The following RBBP5 variants were observed in gnomAD, a reference collection of about 807,000 sequenced individuals.
RBBP5 encodes the protein RB binding protein 5, histone lysine methyltransferase complex subunit.
In RBBP5, 5 loss-of-function variants were observed where a neutral mutation model predicts 72.2. The ratio of observed to expected loss-of-function variants is 0.07; its 90% CI spans 0.04 to 0.15. The LOEUF is 0.15. RBBP5 is among the 10% of genes least tolerant of loss of function. The pLI is 1.00. For synonymous variants in RBBP5, 209 were observed against 237.2 expected, an observed-to-expected ratio of 0.88 and a Z score of 1.09; for missense variants, 322 against 652.2, an observed-to-expected ratio of 0.49 and a Z score of 5.51.
Position 205,095,005 on chromosome 1 carries a change from G to A in RBBP5, c.1456C>T (p.Arg486Trp), listed in dbSNP as rs1375507369. The change falls in exon 13 of 14, where the codon CGG becomes TGG. Residue 486 changes from arginine to tryptophan, a missense_variant. Physicochemically the swap from Arg to Trp is moderately radical, Grantham distance 101. Transcript: ENST00000264515. ...TCTTTACCTTTTGATCCTTTAGGCCGGCCTGCTTGCTTCTTCTTGGATTTG... is the reference window on the plus strand; with the variant it reads ...TCTTTACCTTTTGATCCTTTAGGCCAGCCTGCTTGCTTCTTCTTGGATTTG... ...DGKSKKKQAG[R>W]PKGSKGKEKD... 2.5e-6 allele frequency: 4 copies of A among 1,613,788 alleles called. No homozygotes were observed. The highest frequency in any genetic ancestry group is 2.5e-6 in the Non-Finnish European group (3 of 1,180,004).
intron 1 of RBBP5, among the ~76,000 whole-genome samples, chr1:205,117,611 G>T (rs570740628): frequency 1.9e-4 from 29 of 151,702 alleles, no homozygotes; most frequent in Non-Finnish European, 3.4e-4. Context: ...AGTGAGCCGA[G>T]GTCACACCAT....
intron 1 of RBBP5, among the ~76,000 whole-genome samples, chr1:205,120,773 C>T (rs922690060): frequency 1.3e-5 from 2 of 150,908 alleles, no homozygotes; most frequent in Non-Finnish European, 2.9e-5. Flanking sequence ...CGGCGCGAGG[C>T]TGTCTTAAAA....
rs994209568 is a variant in RBBP5 at position 205,099,560 on chromosome 1, T to G, written c.978+181A>C. Among the ~76,000 whole-genome samples the G allele has an allele frequency of 2.6e-5, 4 of 152,124 alleles. No homozygotes were observed. Among genetic ancestry groups the G allele is most frequent in the Non-Finnish European group, 5.9e-5 (4 of 68,016 alleles). On this transcript the variant is annotated intron_variant, in intron 9 of 13. Coordinates refer to ENST00000264515, the MANE Select transcript of RBBP5 (RefSeq NM_005057.4). This position sits in a 1 kb window ranked among gnomAD's most constrained non-coding sequence, Gnocchi z 4.7. ...CCTGAAAAGAGCCAGAAAACCAACT[T>G]GGGACCAAGACCTTCCCACCAAAAT...
intron 1 of RBBP5, among the ~76,000 whole-genome samples, chr1:205,116,729 A>G (rs1023623999): frequency 1.2e-4 from 18 of 152,276 alleles, no homozygotes; most frequent in African/African-American, 4.1e-4. Context: ...CAGGAGAATC[A>G]CTTGAACCTG....
chr1:205,110,103 C>T (rs985157035), intron 3 of RBBP5, among the ~76,000 whole-genome samples: 5 of 151,944 alleles, frequency 3.3e-5, no homozygotes, highest in Non-Finnish European at 7.4e-5. Flanking sequence ...TCACCGCAAC[C>T]TCCATATGCC....
chr1:205,098,437 G>A (rs988823804), intron 10 of RBBP5, among the ~76,000 whole-genome samples: 1 of 152,204 alleles, frequency 6.6e-6, no homozygotes, highest in Non-Finnish European at 1.5e-5. Context: ...TGTTAAGAGA[G>A]CTGCTTGAGC....
chr1:205,090,948 TCA>T (rs1655323601), intron 13 of RBBP5, among the ~76,000 whole-genome samples: 1 of 150,228 alleles, frequency 6.7e-6, no homozygotes, highest in Non-Finnish European at 1.5e-5. Flanking sequence ...AAAAAAAAAA[TCA>T]CAGATTCAGT....
intron 2 of RBBP5, among the ~76,000 whole-genome samples, chr1:205,115,216 G>C (rs902615962): frequency 3.0e-4 from 45 of 152,116 alleles, no homozygotes; most frequent in African/African-American, 9.9e-4. Context: ...AAACTTTCTG[G>C]AGGGCAAATG....
At chr1:205,110,145 G>A (rs564467792) in intron 3 of RBBP5, among the ~76,000 whole-genome samples, 2 of 151,778 alleles carry the variant, frequency 1.3e-5, no homozygotes, top group South Asian at 2.1e-4. Flanking sequence ...TCAGCCTCCC[G>A]AGTAGCTGGG....
At chr1:205,114,767 T>C (rs1656458132) in intron 3 of RBBP5, 22 bp downstream of exon 3, 1 of 1,488,344 alleles carries the variant, frequency 6.7e-7, no homozygotes, top group African/African-American at 1.4e-5. Flanking sequence ...CATATTTAAA[T>C]ATTAATTAAA....
intron 3 of RBBP5, among the ~76,000 whole-genome samples, chr1:205,114,294 T>G (rs1656437823): frequency 6.6e-6 from 1 of 152,232 alleles, no homozygotes; most frequent in Non-Finnish European, 1.5e-5. Flanking sequence ...GCAAATAGTT[T>G]CAGAGAGCAA....
At chr1:205,110,920 C>T (rs1365999849) in intron 3 of RBBP5, among the ~76,000 whole-genome samples, 4 of 151,964 alleles carry the variant, frequency 2.6e-5, no homozygotes, top group South Asian at 2.1e-4. Context: ...AAAACTTAGC[C>T]GGGCGTGGTG....
At chr1:205,107,389 A>C (rs778012141) in intron 3 of RBBP5, among the ~76,000 whole-genome samples, 16 of 152,192 alleles carry the variant, frequency 1.1e-4, no homozygotes, top group Non-Finnish European at 2.4e-4. Context: ...ATGATGCCTT[A>C]TCTATAGGGG....
At chr1:205,120,764 G>A (rs751582314) in intron 1 of RBBP5, among the ~76,000 whole-genome samples, 44 of 151,782 alleles carry the variant, frequency 2.9e-4, no homozygotes, top group Non-Finnish European at 4.6e-4. Context: ...CCTAGGCGAC[G>A]GCGCGAGGCT....
Position 205,121,887 on chromosome 1 carries a change from G to A in RBBP5, c.-14C>T, listed in dbSNP as rs1285427038. ...CTCGAGGTTCATCCCTGCGGACTGT[G>A]GCCGCCCGGTCTCAGCTCCGGCAAC... On this transcript the variant is annotated 5_prime_UTR_variant, in exon 1 of 14. Coordinates refer to ENST00000264515, the MANE Select transcript of RBBP5 (RefSeq NM_005057.4). 1 of 1,610,572 alleles carries A rather than the reference G, an allele frequency of 6.2e-7. No homozygotes were observed. The highest frequency in any genetic ancestry group is 1.7e-5 in the Admixed American group (1 of 60,004).
chr1:205,101,890 T>C (rs1452135182), intron 5 of RBBP5, among the ~76,000 whole-genome samples, 181 bp from the exon 6 acceptor site: 1 of 136,656 alleles, frequency 7.3e-6, no homozygotes, highest in Non-Finnish European at 1.5e-5. Flanking sequence ...GGTCTTAATC[T>C]AGTCTTTTTT....
intron 6 of RBBP5, among the ~76,000 whole-genome samples, chr1:205,100,947 C>A (rs987333501): frequency 1.3e-5 from 2 of 152,128 alleles, no homozygotes; most frequent in South Asian, 2.1e-4. Flanking sequence ...AGATCCCTCA[C>A]ATGTGCAGTT....
chr1:205,100,313 C>A (rs1016564600), intron 6 of RBBP5, 42 bp from the exon 7 acceptor site: 9 of 1,607,094 alleles, frequency 5.6e-6, no homozygotes, highest in African/African-American at 1.3e-5. Flanking sequence ...GGTCAGAAAT[C>A]TGTTCCTTAG....
chr1:205,114,635 A>T (rs1258110092), intron 3 of RBBP5, among the ~76,000 whole-genome samples, 154 bp downstream of exon 3: 2 of 152,236 alleles, frequency 1.3e-5, no homozygotes, highest in African/African-American at 4.8e-5. Context: ...CAAGGACAGC[A>T]TGGACTCAGG....
Sources: allele counts gnomAD v4.1 joint callset (sites outside exome capture counted in the v4.1 genomes callset), GRCh38; gene constraint gnomAD v4.1.1; non-coding constraint Gnocchi (gnomAD v3.1); transcripts MANE v1.5; gene names NCBI Gene and HGNC (gene_info 2026-07-23, HGNC 2026-07-21).